TTN: variants seen among roughly 807,000 people sequenced by gnomAD.
The protein encoded by TTN is connectin.
In TTN, 1,525 loss-of-function variants were observed where a neutral mutation model predicts 3,223.0. That is an observed-to-expected ratio of 0.47 (90% CI 0.45 to 0.49). The LOEUF (loss-of-function observed/expected upper bound fraction) is 0.49, where lower values mean the gene tolerates loss of function less well. TTN is among the 20% of genes least tolerant of loss of function. The pLI is 0.00. For synonymous variants in TTN, 14,094 were observed against 15,161.0 expected, an observed-to-expected ratio of 0.93 and a Z score of 5.17; for missense variants, 40,786 against 43,424.0, an observed-to-expected ratio of 0.94 and a Z score of 5.40.
In TTN at chr2:178,526,835, A is replaced by G. The variant is rs551652287; in HGVS notation, c.*177T>C. On this transcript the variant is annotated 3_prime_UTR_variant, in exon 363 of 363. Transcript: ENST00000589042. Reference sequence around the variant, plus strand: ...TACATGTCACTAGCAAATGTATTATATTCTTAGGTCAACAATTATGAAAAG... The same window carrying G: ...TACATGTCACTAGCAAATGTATTATGTTCTTAGGTCAACAATTATGAAAAG... 5 of 582,884 alleles carry G rather than the reference A, an allele frequency of 8.6e-6. No individual in the cohort carries two copies. In the South Asian group the frequency reaches 1.4e-4, roughly 17 times the overall value. The allele number at this position is 582,884 out of a possible 1,614,324, so 36.1% of individuals were successfully genotyped here. A position where few individuals can be genotyped will look rare whatever the true frequency, so the allele number is the denominator to read the frequency against.
At chr2:178,599,119 TG>T in intron 290 of TTN, 26 bp downstream of exon 290, 1 of 1,508,536 alleles carries the variant, frequency 6.6e-7, no homozygotes, top group South Asian at 1.4e-5. Context: ...AAAATGGCTT[TG>T]TATGTGAAAA....
chr2:178,664,713 A>C lies in TTN; in HGVS notation c.36143T>G (p.Val12048Gly). Residue 12048 changes from valine to glycine, a missense_variant, in exon 167 of 363, where the codon GTC becomes GGC. Val to Gly is a moderately radical substitution (Grantham distance 109, BLOSUM62 -3). Transcript: ENST00000589042. ...AACCACAAGCGTTTTCTTTTCAGGG[A>C]CAATTTCTTGGAGAGCTTCAGGCAC... ...VKVPEALQEI[V>G]PEKKTLVVPL... 6.2e-7 allele frequency: 1 copy of C among 1,612,428 alleles called. No individual in the cohort carries two copies. The highest frequency in any genetic ancestry group is 8.5e-7 in the Non-Finnish European group (1 of 1,179,666).
In TTN at chr2:178,704,784, G is replaced by C. The variant is rs370911535; in HGVS notation, c.29695-7C>G. The stretch of plus-strand genomic sequence containing the variant: ...CCTTGATCAGAGTGACAGGCTAGGA[G>C]AATAAAGAATTAAAACACATTTGTT... On this transcript the variant is annotated splice_region_variant and splice_polypyrimidine_tract_variant and intron_variant, in intron 104 of 362. Transcript: ENST00000589042. The C allele has an allele frequency of 6.2e-7, 1 of 1,606,938 alleles. No individual in the cohort carries two copies. Among genetic ancestry groups the C allele is most frequent in the African/African-American group, 1.3e-5 (1 of 74,594 alleles).
rs1184480749 is a variant in TTN at position 178,589,169 on chromosome 2, A to G, written c.62556T>C (p.Ser20852=). ...YVVTATNTAG[S]FVAYATVNVL... is the part of the protein sequence containing the mutation. ...CATTGACAGTGGCATAGGCCACAAA[A>G]CTGCCAGCCGTGTTAGTTGCCGTAA... Residue 20852 remains serine (S), a synonymous_variant, in exon 304 of 363, where the codon AGT becomes AGC. Transcript: ENST00000589042. 4 of 1,613,334 alleles carry G rather than the reference A, an allele frequency of 2.5e-6. No homozygotes were observed. The highest frequency in any genetic ancestry group is 1.3e-5 in the African/African-American group (1 of 74,910).
Position 178,620,805 on chromosome 2 carries a change from C to G in TTN, c.45805G>C (p.Ala15269Pro). 1 of 1,612,756 alleles carries G rather than the reference C, an allele frequency of 6.2e-7. No individual in the cohort carries two copies. Among genetic ancestry groups the G allele is most frequent in the East Asian group, 2.2e-5 (1 of 44,768 alleles). Residue 15269 changes from alanine (A) to proline (P), a missense_variant, in exon 247 of 363, where the codon GCA becomes CCA. Ala to Pro is a conservative substitution (Grantham distance 27, BLOSUM62 -1). Transcript: ENST00000589042. ...DLVYTLRIRD[A>P]HLDDQANYNV... ...TAGTTGGCTTGGTCATCTAAGTGTG[C>G]ATCTCTAATTCTGAGGGTGTAGACT...
At position 178,616,573 on chromosome 2, in the gene TTN, T is replaced by C; in HGVS notation, c.48218A>G (p.His16073Arg). Residue 16073 changes from histidine to arginine, a missense_variant, in exon 257 of 363, where the codon CAT becomes CGT. Coordinates refer to ENST00000589042, the MANE Select transcript of TTN (RefSeq NM_001267550.2). Reference protein sequence around the residue: ...KFGDITKDSVHLTWEPPDDDG... With the variant: ...KFGDITKDSVRLTWEPPDDDG... The stretch of plus-strand genomic sequence containing the variant: ...ATCATCAGGTGGTTCCCAAGTCAAA[T>C]GTACTGAGTCCTTGGTTATATCACC... 6.2e-7 allele frequency: 1 copy of C among 1,612,430 alleles called. No individual in the cohort carries two copies. Among genetic ancestry groups the C allele is most frequent in the South Asian group, 1.1e-5 (1 of 91,014 alleles).
chr2:178,609,773 T>G lies in TTN; in HGVS notation c.51650A>C (p.Glu17217Ala). The change falls in exon 272 of 363, where the codon GAG (glutamate) becomes GCG (alanine). Residue 17217 changes from glutamate (E) to alanine (A), a missense_variant. By Grantham distance (107) the Glu-to-Ala change is moderately radical. Coordinates refer to ENST00000589042, the MANE Select transcript of TTN (RefSeq NM_001267550.2). ...YTAKGLEEGKEYQFRVRAENA... is the reference protein window; with the variant it reads ...YTAKGLEEGKAYQFRVRAENA... ...CTCTGCTCGCACACGGAATTGGTAC[T>G]CTTTCCCCTCTTCAAGTCCTTTTGC... 1 of 1,612,894 alleles carries G rather than the reference T, an allele frequency of 6.2e-7. No individual in the cohort carries two copies.
At chr2:178,606,907 C>T in intron 278 of TTN, 114 bp downstream of exon 278, 1 of 1,183,980 alleles carries the variant, frequency 8.4e-7, no homozygotes, top group Non-Finnish European at 1.2e-6. Context: ...TTTCTTATTA[C>T]TCTTTAGCTA....
Position 178,547,313 on chromosome 2 carries a change from T to A in TTN, c.94220-8A>T. On this transcript the variant is annotated splice_polypyrimidine_tract_variant and splice_region_variant and intron_variant, in intron 339 of 362. Coordinates refer to ENST00000589042, the MANE Select transcript of TTN (RefSeq NM_001267550.2). ...TAGGAGCGCTTGGTGGGACTAAATA[T>A]AAACAAAGGTATTAAGTATGAATAC... is the stretch of plus-strand genomic sequence containing the variant. 3 of 1,593,710 alleles carry A rather than the reference T, an allele frequency of 1.9e-6. No homozygotes were observed. Among genetic ancestry groups the A allele is most frequent in the Non-Finnish European group, 2.6e-6 (3 of 1,170,764 alleles).
At position 178,545,874 on chromosome 2, in the gene TTN, A is replaced by G. The variant is rs1696861248; in HGVS notation, c.95362T>C (p.Tyr31788His). 2 of 1,613,724 alleles carry G rather than the reference A, an allele frequency of 1.2e-6. No individual in the cohort carries two copies. Among genetic ancestry groups the G allele is most frequent in the African/African-American group, 1.3e-5 (1 of 74,920 alleles). ...YIFRVRAVNKYGPGVPVESEP... is the reference protein window; with the variant it reads ...YIFRVRAVNKHGPGVPVESEP... Reference sequence around the variant, plus strand: ...GATTCAACAGGCACACCAGGGCCATATTTGTTTACTGCCCTCACTCGGAAT... The same window carrying G: ...GATTCAACAGGCACACCAGGGCCATGTTTGTTTACTGCCCTCACTCGGAAT... Residue 31788 changes from tyrosine (Y) to histidine (H), a missense_variant, in exon 343 of 363, where the codon TAT becomes CAT. Tyr to His is a moderately conservative substitution (Grantham distance 83). Coordinates refer to ENST00000589042, the MANE Select transcript of TTN (RefSeq NM_001267550.2).
chr2:178,585,392 G>A, intron 308 of TTN, 45 bp from the exon 309 acceptor site: 1 of 1,525,436 alleles, frequency 6.6e-7, no homozygotes, highest in Non-Finnish European at 8.8e-7. Context: ...AGGTGGATAA[G>A]TTTCTTCTGG....
Position 178,538,651 on chromosome 2 carries a change from T to C in TTN, c.99178A>G (p.Ile33060Val). 6.2e-7 allele frequency: 1 copy of C among 1,613,788 alleles called. No individual in the cohort carries two copies. The highest frequency in any genetic ancestry group is 8.5e-7 in the Non-Finnish European group (1 of 1,179,746). ...TCAGTAGCTTCCAGCAAACCTCCTA[T>C]TGTGAATTGCTTGTCCTTAATACGT... is the stretch of plus-strand genomic sequence containing the variant. ...KERIKDKQFTIGGLLEATEYE... is the reference protein window; with the variant it reads ...KERIKDKQFTVGGLLEATEYE... Residue 33060 changes from isoleucine (I) to valine (V), a missense_variant, in exon 354 of 363, where the codon ATA (isoleucine) becomes GTA (valine). Ile to Val is a conservative substitution (Grantham distance 29). Transcript: ENST00000589042.
At position 178,560,294 on chromosome 2, in the gene TTN, G is replaced by A. The variant is rs368615862; in HGVS notation, c.85838C>T (p.Thr28613Ile). Residue 28613 changes from threonine to isoleucine, a missense_variant, in exon 326 of 363, where the codon ACA becomes ATA. Thr to Ile is a moderately conservative substitution (Grantham distance 89, BLOSUM62 -1). Transcript: ENST00000589042. ...KPVYDLRVKS[T>I]GLREGCEYEY... is the part of the protein sequence containing the mutation. The stretch of plus-strand genomic sequence containing the variant: ...ATATTCACATCCTTCCCGAAGTCCT[G>A]TTGATTTCACTCTTAGATCATAAAC... 2.9e-5 allele frequency: 46 copies of A among 1,613,654 alleles called. No individual in the cohort carries two copies. The highest frequency in any genetic ancestry group is 3.9e-5 in the Non-Finnish European group (46 of 1,179,794).
In TTN at chr2:178,546,430, A is replaced by C. The variant is rs1697167076; in HGVS notation, c.94901T>G (p.Val31634Gly). 3 of 1,613,728 alleles carry C rather than the reference A, an allele frequency of 1.9e-6. No homozygotes were observed. Among genetic ancestry groups the C allele is most frequent in the Non-Finnish European group, 2.5e-6 (3 of 1,179,750 alleles). The change falls in exon 342 of 363, where the codon GTT becomes GGT. Residue 31634 changes from valine (V) to glycine (G), a missense_variant. Transcript: ENST00000589042. Reference sequence around the variant, plus strand: ...TTTGCCACCAACTGCAGCATCCAGAACAAGATCAGAACCTGCTCTGATGGT... The same window carrying C: ...TTTGCCACCAACTGCAGCATCCAGACCAAGATCAGAACCTGCTCTGATGGT... ...LVTIRAGSDL[V>G]LDAAVGGKPE...
In TTN at chr2:178,718,430, T is replaced by C; in HGVS notation, c.24676A>G (p.Thr8226Ala). 1 of 1,613,746 alleles carries C rather than the reference T, an allele frequency of 6.2e-7. No homozygotes were observed. Among genetic ancestry groups the C allele is most frequent in the Non-Finnish European group, 8.5e-7 (1 of 1,179,730 alleles). Reference sequence around the variant, plus strand: ...GTGCTCTCAAGAATTTCCAGTATGGTAGATTTTTCTGTCATAGTAATACTG... The same window carrying C: ...GTGCTCTCAAGAATTTCCAGTATGGCAGATTTTTCTGTCATAGTAATACTG... ...RCSITMTEKS[T>A]ILEILESTIE... is the part of the protein sequence containing the mutation. Residue 8226 changes from threonine to alanine, a missense_variant, in exon 85 of 363, where the codon ACC (threonine) becomes GCC (alanine). By Grantham distance (58) the Thr-to-Ala change is moderately conservative. Coordinates refer to ENST00000589042, the MANE Select transcript of TTN (RefSeq NM_001267550.2).
At chr2:178,698,773 C>T (rs953658210) in intron 112 of TTN, 70 bp downstream of exon 112, 11 of 1,398,600 alleles carry the variant, frequency 7.9e-6, no homozygotes, top group Non-Finnish European at 1.1e-5. Context: ...CTTCACCCTC[C>T]ACTGTTTAGA....
Position 178,704,946 on chromosome 2 carries a change from CCTCT to C in TTN, c.29621_29624del (p.Glu9874GlyfsTer28), listed in dbSNP as rs777924443. ...CAAATTCCTTTTCGTCCCTCTCTGA[CCTCT>C]CTATTTCCTCAATTTCCTGAGAAGA... On this transcript the variant is annotated frameshift_variant, in exon 104 of 363. Coordinates refer to ENST00000589042, the MANE Select transcript of TTN (RefSeq NM_001267550.2). LOFTEE classifies it high-confidence loss of function. The C allele has an allele frequency of 6.8e-6, 11 of 1,612,774 alleles. No homozygotes were observed. The highest frequency in any genetic ancestry group is 3.3e-5 in the South Asian group (3 of 91,034).
intron 338 of TTN, 32 bp downstream of exon 338, chr2:178,549,538 C>T (rs1394453181): frequency 6.3e-7 from 1 of 1,599,324 alleles, no homozygotes; most frequent in South Asian, 1.1e-5. Flanking sequence ...AAACTTTTGA[C>T]ATAGTACCGC....
intron 49 of TTN, chr2:178,737,450 G>A (rs2081693328): frequency 6.6e-6 from 1 of 152,162 alleles, no homozygotes; most frequent in Admixed American, 6.6e-5. Context: ...ACAGGTGCGT[G>A]ACACCACGCC....
Sources: gnomAD v4.1 joint callset for allele counts on GRCh38, gnomAD v4.1.1 for gene constraint, MANE v1.5 for transcripts, NCBI Gene and HGNC (gene_info 2026-07-23, HGNC 2026-07-21) for gene names.